SMYD3: variants seen among roughly 807,000 people sequenced by gnomAD.
SMYD3 encodes the protein histone-lysine N-methyltransferase SMYD3.
A neutral mutation model predicts 57.7 loss-of-function variants in SMYD3; 36 were observed. The ratio of observed to expected loss-of-function variants is 0.62; its 90% CI spans 0.48 to 0.82. The LOEUF (loss-of-function observed/expected upper bound fraction) is 0.82, where lower values mean the gene tolerates loss of function less well. Among genes scored for constraint, SMYD3 ranks in the 40% least tolerant of loss-of-function variants. The probability of loss-of-function intolerance (pLI) is 0.00; values close to 1 mark genes in which losing one functional copy is unlikely to be tolerated. For synonymous variants in SMYD3, 211 were observed against 195.0 expected, an observed-to-expected ratio of 1.08 and a Z score of -0.68; for missense variants, 515 against 538.8, an observed-to-expected ratio of 0.96 and a Z score of 0.44.
Position 246,061,809 on chromosome 1 carries a change from G to A in SMYD3, c.532-131872C>T, listed in dbSNP as rs116834525. Among the ~76,000 whole-genome samples, 672 of 152,260 alleles carry A rather than the reference G, an allele frequency of 4.4e-3. 2 individuals carry two copies. The highest frequency in any genetic ancestry group is 0.015 in the African/African-American group (630 of 41,550). On this transcript the variant is annotated intron_variant, in intron 5 of 11. Transcript: ENST00000490107. ...GTGATGTGAAAGAAGCTTTTGATTC[G>A]TTAGTGATGAAATGAGAGCTGCCTT...
At position 246,292,430 on chromosome 1, in the gene SMYD3, CCTTAGACTTACTATCCAACACACCAGCAT is replaced by C. The variant is rs1558381972; in HGVS notation, c.531+34742_531+34770del. On this transcript the variant is annotated intron_variant, in intron 5 of 11. Coordinates refer to ENST00000490107, the MANE Select transcript of SMYD3 (RefSeq NM_001167740.2). ...AGACTTACTATCCAACACACCAGTA[CCTTAGACTTACTATCCAACACACCAGCAT>C]CTTAGACTTACTATCCAATACACCA... Among the ~76,000 whole-genome samples, 3 of 139,560 alleles carry C rather than the reference CCTTAGACTTACTATCCAACACACCAGCAT, an allele frequency of 2.1e-5. No individual in the cohort carries two copies. In the East Asian group the frequency reaches 6.6e-4, roughly 31 times the overall value. 91.6% of individuals were successfully genotyped at this position (139,560 alleles called of 152,430 possible).
At chr1:246,261,504 A>C (rs992111538) in intron 5 of SMYD3, among the ~76,000 whole-genome samples, 1 of 152,048 alleles carries the variant, frequency 6.6e-6, no homozygotes, top group Non-Finnish European at 1.5e-5. Flanking sequence ...AATGACAATA[A>C]ATATAGGAAG....
chr1:246,022,435 T>A (rs967165733), intron 5 of SMYD3, among the ~76,000 whole-genome samples: 11 of 152,184 alleles, frequency 7.2e-5, no homozygotes, highest in African/African-American at 2.7e-4. Context: ...GCAGCCTTGC[T>A]TTAAATCCTG....
At chr1:245,814,379 G>C in intron 10 of SMYD3, 1 of 984,780 alleles carries the variant, frequency 1.0e-6, no homozygotes, top group Non-Finnish European at 1.2e-6. Flanking sequence ...ATAGAGCTCA[G>C]TTTTTTAAAA....
intron 5 of SMYD3, among the ~76,000 whole-genome samples, chr1:246,050,944 G>T (rs1025336452): frequency 3.9e-5 from 6 of 152,014 alleles, no homozygotes; most frequent in Non-Finnish European, 8.8e-5. Flanking sequence ...TCCAAATGGG[G>T]ATAAGCTATG....
intron 5 of SMYD3, among the ~76,000 whole-genome samples, chr1:246,313,490 T>A (rs1403331687): frequency 6.6e-6 from 1 of 152,246 alleles, no homozygotes; most frequent in Non-Finnish European, 1.5e-5. Flanking sequence ...AGGATATTTT[T>A]AATTCTGATC....
chr1:245,966,773 G>A (rs377642252), intron 5 of SMYD3, among the ~76,000 whole-genome samples: 10 of 152,124 alleles, frequency 6.6e-5, no homozygotes, highest in South Asian at 2.1e-4. Context: ...TCCAGAAACC[G>A]TCACTCTGAA....
intron 5 of SMYD3, among the ~76,000 whole-genome samples, chr1:246,157,092 C>A (rs1204551801): frequency 6.6e-6 from 1 of 152,256 alleles, no homozygotes; most frequent in East Asian, 1.9e-4. Context: ...TTAGCGCTTA[C>A]ATCACCAAAG....
chr1:246,481,641 T>A (rs10802411), intron 1 of SMYD3, among the ~76,000 whole-genome samples: 107,412 of 108,496 alleles, frequency 0.99, 53,207 homozygotes, highest in Middle Eastern at 1. Flanking sequence ...CATACACATA[T>A]TCATATATGA....
At chr1:246,263,775 A>G (rs1558359975) in intron 5 of SMYD3, among the ~76,000 whole-genome samples, 1 of 152,224 alleles carries the variant, frequency 6.6e-6, no homozygotes, top group Admixed American at 6.5e-5. Flanking sequence ...TCAAACCTAA[A>G]TAGTGGTTAA....
chr1:245,888,353 C>T (rs2148573643), intron 8 of SMYD3, among the ~76,000 whole-genome samples: 1 of 152,280 alleles, frequency 6.6e-6, no homozygotes. Context: ...AAAATGAATA[C>T]ATAAATGGAA....
At chr1:245,910,084 T>C (rs1209243458) in intron 8 of SMYD3, among the ~76,000 whole-genome samples, 2 of 152,104 alleles carry the variant, frequency 1.3e-5, no homozygotes, top group Non-Finnish European at 2.9e-5. Context: ...ACAAAAACTG[T>C]TAAACTGATA....
intron 5 of SMYD3, among the ~76,000 whole-genome samples, chr1:246,024,948 A>G (rs373700365): frequency 6.6e-5 from 9 of 135,806 alleles, no homozygotes; most frequent in Non-Finnish European, 9.3e-5. Context: ...ATCTAGGAAG[A>G]GAGATACAGC....
intron 5 of SMYD3, among the ~76,000 whole-genome samples, chr1:246,208,809 C>T (rs1263190947): frequency 1.3e-5 from 2 of 152,016 alleles, no homozygotes; most frequent in Non-Finnish European, 2.9e-5. Flanking sequence ...CATGATCATT[C>T]AAGCTGAATC....
chr1:246,369,435 T>C lies in SMYD3; in HGVS notation c.165-14341A>G, dbSNP rs77178513. 9.4e-3 allele frequency among the ~76,000 whole-genome samples: 1,429 copies of C among 152,300 alleles called. 25 individuals are homozygous for C. The highest frequency in any genetic ancestry group is 0.032 in the African/African-American group (1,325 of 41,550). On this transcript the variant is annotated intron_variant, in intron 1 of 11. Coordinates refer to ENST00000490107, the MANE Select transcript of SMYD3 (RefSeq NM_001167740.2). ...AAAATTGAAGTGATTACACCCACCA[T>C]CCACCTATCAAATGGCTATTAACAC...
chr1:245,885,398 T>C (rs185711854), intron 8 of SMYD3, among the ~76,000 whole-genome samples: 1 of 152,320 alleles, frequency 6.6e-6, no homozygotes, highest in Admixed American at 6.5e-5. Context: ...GCTGCCAGCA[T>C]TCACCCCTGC....
intron 10 of SMYD3, among the ~76,000 whole-genome samples, chr1:245,767,778 C>G (rs1418871175): frequency 6.6e-6 from 1 of 152,088 alleles, no homozygotes. Flanking sequence ...CTCTGGACTT[C>G]TCTTGCCAGC....
intron 8 of SMYD3, among the ~76,000 whole-genome samples, chr1:245,876,398 T>C (rs1034004383): frequency 5.9e-5 from 9 of 152,246 alleles, no homozygotes; most frequent in African/African-American, 1.9e-4. Flanking sequence ...GTGATTCCAA[T>C]GCACAGTCTG....
chr1:246,404,710 C>T (rs114263146), intron 1 of SMYD3, among the ~76,000 whole-genome samples: 8,845 of 152,102 alleles, frequency 0.058, 285 homozygotes, highest in Middle Eastern at 0.17. Flanking sequence ...CCAATACTGG[C>T]CACATTTGGC....
Sources: gnomAD v4.1 joint callset for allele counts (sites outside exome capture counted in the v4.1 genomes callset) on GRCh38, gnomAD v4.1.1 for gene constraint, MANE v1.5 for transcripts, NCBI Gene and HGNC (gene_info 2026-07-23, HGNC 2026-07-21) for gene names.